Variants in CHD1 observed in about 807,000 individuals in gnomAD.
The protein encoded by CHD1 is chromodomain helicase DNA binding protein 1.
Under a neutral mutation model 224.2 loss-of-function variants are expected in CHD1, and 36 were observed. That is an observed-to-expected ratio of 0.16 (90% CI 0.12 to 0.21). CHD1 has a LOEUF of 0.21. CHD1 is among the 10% of genes least tolerant of loss of function. The pLI, the probability that CHD1 is intolerant of heterozygous loss-of-function variation, is 1.00. For synonymous variants in CHD1, 668 were observed against 658.3 expected (o/e 1.01, Z -0.23); for missense variants, 1,378 against 1,994.8 (o/e 0.69, Z 5.89).
intron 32 of CHD1, chr5:98,860,782 G>A (rs935749064): frequency 2.0e-5 from 3 of 152,016 alleles, no homozygotes; most frequent in Admixed American, 2.0e-4. Context: ...ATACACTAGA[G>A]GTATAATATT....
intron 2 of CHD1, among the ~76,000 whole-genome samples, chr5:98,913,366 C>T (rs1006775436): frequency 4.6e-5 from 7 of 152,036 alleles, no homozygotes; most frequent in South Asian, 4.1e-4. Context: ...CCTAGCTACT[C>T]GGGAGGCTGA....
At chr5:98,902,839 G>T in intron 5 of CHD1, 61 bp downstream of exon 5, 1 of 1,055,882 alleles carries the variant, frequency 9.5e-7, no homozygotes, top group Non-Finnish European at 1.4e-6. Flanking sequence ...CATAAAGAAA[G>T]AAATATGAAA....
At chr5:98,894,754 C>A in intron 12 of CHD1, 68 bp from the exon 13 acceptor site, 1 of 655,118 alleles carries the variant, frequency 1.5e-6, no homozygotes, top group Non-Finnish European at 2.7e-6. Flanking sequence ...ACTTACATAT[C>A]TAAAAATTAA....
At chr5:98,864,377 ACAT>A (rs1316549028) in intron 31 of CHD1, among the ~76,000 whole-genome samples, 9 of 151,988 alleles carry the variant, frequency 5.9e-5, no homozygotes, top group Non-Finnish European at 1.5e-5. Flanking sequence ...AGATAATCCA[ACAT>A]CATTTATTAA....
intron 2 of CHD1, among the ~76,000 whole-genome samples, chr5:98,924,312 C>CTA (rs766621569): frequency 6.6e-5 from 10 of 152,106 alleles, no homozygotes; most frequent in Non-Finnish European, 1.3e-4. Flanking sequence ...ATTTACTTAA[C>CTA]TATAGTCAGT....
chr5:98,869,268 T>G (rs139763698), intron 30 of CHD1: 3 of 986,022 alleles, frequency 3.0e-6, no homozygotes, highest in Non-Finnish European at 3.6e-6. Flanking sequence ...TTCACAGAAC[T>G]GATCTCATCC....
At chr5:98,912,116 C>T (rs1459582910) in intron 2 of CHD1, among the ~76,000 whole-genome samples, 2 of 152,086 alleles carry the variant, frequency 1.3e-5, no homozygotes, top group Non-Finnish European at 2.9e-5. Context: ...CTGCAACCTA[C>T]TATATCACAA....
intron 10 of CHD1, among the ~76,000 whole-genome samples, chr5:98,897,993 T>A (rs1468458323): frequency 6.6e-6 from 1 of 152,100 alleles, no homozygotes; most frequent in Admixed American, 6.6e-5. Flanking sequence ...CTCAACAAGA[T>A]AAAAGACAAC....
chr5:98,917,094 T>A (rs1178860139), intron 2 of CHD1, among the ~76,000 whole-genome samples: 1 of 152,102 alleles, frequency 6.6e-6, no homozygotes, highest in African/African-American at 2.4e-5. Flanking sequence ...AATGGCCCCA[T>A]GCCTTGACAT....
intron 2 of CHD1, among the ~76,000 whole-genome samples, chr5:98,926,043 T>C (rs1177650135): frequency 6.6e-6 from 1 of 152,078 alleles, no homozygotes; most frequent in Non-Finnish European, 1.5e-5. Context: ...CTATTATACA[T>C]GCTCCAGCTT....
At chr5:98,904,853 G>C in intron 3 of CHD1, 44 bp downstream of exon 3, 1 of 1,569,046 alleles carries the variant, frequency 6.4e-7, no homozygotes. Context: ...TTTTCCCAAA[G>C]TAATACAAGC....
rs979752547 is a variant in CHD1, at chr5:98,873,798, A to G, written c.3441-75T>C. ...GCCATTTAAGATTAAGTTTCACTCT[A>G]TTTCAAGATCTGAATATCACTCTAC... On this transcript the variant is annotated intron_variant, in intron 25 of 35. Coordinates refer to ENST00000614616, the MANE Select transcript of CHD1 (RefSeq NM_001270.4). 46 of 1,372,710 alleles carry G rather than the reference A, an allele frequency of 3.4e-5. No homozygotes were observed. In the East Asian group the frequency reaches 9.7e-4, roughly 29 times the overall value. 85.0% of individuals were successfully genotyped at this position (1,372,710 alleles called of 1,614,324 possible). A position where few individuals can be genotyped will look rare whatever the true frequency, so the allele number is the denominator to read the frequency against.
chr5:98,864,280 T>C (rs1343251794), intron 31 of CHD1, among the ~76,000 whole-genome samples: 1 of 151,902 alleles, frequency 6.6e-6, no homozygotes. Flanking sequence ...CAAAAACAAA[T>C]AAAAATTTAA....
intron 24 of CHD1, 142 bp downstream of exon 24, chr5:98,876,256 C>A (rs1202956317): frequency 3.8e-6 from 3 of 786,066 alleles, no homozygotes; most frequent in Non-Finnish European, 6.2e-6. Context: ...TACCCAAAAG[C>A]AGAACCACCC....
In CHD1 at chr5:98,902,211, G is replaced by GA. The variant is rs138991139; in HGVS notation, c.437+688dup. Among the ~76,000 whole-genome samples, 1,299 of 150,988 alleles carry GA rather than the reference G, an allele frequency of 8.6e-3. 12 individuals carry two copies. The highest frequency in any genetic ancestry group is 0.014 in the Non-Finnish European group (923 of 67,616). The stretch of plus-strand genomic sequence containing the variant: ...CAGAGAGATTTGTAGAAAGAGAAAG[G>GA]AAAAAAAATCCAAAGATAAATGATT... On this transcript the variant is annotated intron_variant, in intron 5 of 35. Coordinates refer to ENST00000614616, the MANE Select transcript of CHD1 (RefSeq NM_001270.4).
At chr5:98,894,855 CTT>C (rs906768194) in intron 12 of CHD1, among the ~76,000 whole-genome samples, 169 bp from the exon 13 acceptor site, 1 of 150,184 alleles carries the variant, frequency 6.7e-6, no homozygotes. Context: ...GAGTTTTGCT[CTT>C]GTTGTCCAGG....
chr5:98,854,173 T>TC lies in CHD1; in HGVS notation c.*2206_*2207insG, dbSNP rs1163415947. 3 of 130,116 alleles carry TC rather than the reference T, an allele frequency of 2.3e-5. No individual in the cohort carries two copies. Among genetic ancestry groups the TC allele is most frequent in the Admixed American group, 1.4e-4 (2 of 14,100 alleles). 8.1% of individuals were successfully genotyped at this position (130,116 alleles called of 1,614,324 possible). A position where few individuals can be genotyped will look rare whatever the true frequency, so the allele number is the denominator to read the frequency against. On this transcript the variant is annotated 3_prime_UTR_variant, in exon 36 of 36. Coordinates refer to ENST00000614616, the MANE Select transcript of CHD1 (RefSeq NM_001270.4). ...TGTTCTTCACCATTGCGTCTTAATT[T>TC]TTCTGATTTCTTACAAAAATGAACA...
chr5:98,879,516 T>C, intron 23 of CHD1, 36 bp downstream of exon 23: 1 of 1,558,882 alleles, frequency 6.4e-7, no homozygotes, highest in Non-Finnish European at 8.6e-7. Context: ...TGAATACTCT[T>C]ACTTTATAGA....
intron 14 of CHD1, 52 bp from the exon 15 acceptor site, chr5:98,892,765 T>A (rs761894694): frequency 1.5e-6 from 2 of 1,302,468 alleles, no homozygotes; most frequent in African/African-American, 3.0e-5. Flanking sequence ...AAATTGTGTA[T>A]GTTGTGTATG....
Sources: gnomAD v4.1 joint callset for allele counts (sites outside exome capture counted in the v4.1 genomes callset) on GRCh38, gnomAD v4.1.1 for gene constraint, MANE v1.5 for transcripts, NCBI Gene and HGNC (gene_info 2026-07-23, HGNC 2026-07-21) for gene names.